CFTR: variants seen among roughly 807,000 people sequenced by gnomAD.
CFTR encodes CF transmembrane conductance regulator, also known as cystic fibrosis transmembrane conductance regulator.
CFTR carries 181 observed loss-of-function variants against 171.6 expected under a neutral mutation model. The ratio of observed to expected loss-of-function variants is 1.05; its 90% CI spans 0.93 to 1.19. CFTR has a LOEUF of 1.19. Ranked by LOEUF, CFTR falls within the 50% of genes most tolerant of loss-of-function variation. The pLI, the probability that CFTR is intolerant of heterozygous loss-of-function variation, is 0.00. For missense variants in CFTR, 1,968 were observed against 1,734.7 expected (o/e 1.13, Z -2.39); for synonymous variants, 583 against 608.0 (o/e 0.96, Z 0.60).
chr7:117,487,309 T>C (rs1006754492), intron 1 of CFTR, among the ~76,000 whole-genome samples: 3 of 151,952 alleles, frequency 2.0e-5, no homozygotes, highest in African/African-American at 7.3e-5. Context: ...GACCTGAGAG[T>C]GTTAGGAAGA....
chr7:117,530,801 A>T, intron 3 of CFTR, 98 bp from the exon 4 acceptor site: 1 of 801,044 alleles, frequency 1.2e-6, no homozygotes, highest in Non-Finnish European at 2.1e-6. Flanking sequence ...AACTCATTTT[A>T]AGTCTCCTCT....
chr7:117,538,603 G>A (rs1798996104), intron 7 of CFTR, among the ~76,000 whole-genome samples: 1 of 152,080 alleles, frequency 6.6e-6, no homozygotes, highest in Non-Finnish European at 1.5e-5. Context: ...TTCTTGTTGA[G>A]GAGAAAGGAC....
intron 1 of CFTR, among the ~76,000 whole-genome samples, chr7:117,481,133 T>C (rs971348011): frequency 8.5e-5 from 13 of 152,328 alleles, no homozygotes; most frequent in Middle Eastern, 3.4e-3. Context: ...CACATCTCTC[T>C]TATGTTTAGT....
chr7:117,500,015 A>G (rs1798296058), intron 1 of CFTR, among the ~76,000 whole-genome samples: 1 of 152,158 alleles, frequency 6.6e-6, no homozygotes. Flanking sequence ...TGGTTATTCC[A>G]GGTGTGTCTG....
At chr7:117,483,867 C>A (rs1004188556) in intron 1 of CFTR, among the ~76,000 whole-genome samples, 8 of 152,246 alleles carry the variant, frequency 5.3e-5, no homozygotes, top group African/African-American at 1.9e-4. Flanking sequence ...AGCCACCTCA[C>A]CCTGTCAGCC....
chr7:117,663,582 T>C (rs1793323208), intron 24 of CFTR, among the ~76,000 whole-genome samples: 1 of 151,914 alleles, frequency 6.6e-6, no homozygotes, highest in South Asian at 2.1e-4. Context: ...CAAAGAGGCT[T>C]AAAATCTCCT....
intron 24 of CFTR, among the ~76,000 whole-genome samples, chr7:117,661,837 T>A (rs1793291736): frequency 6.6e-6 from 1 of 152,168 alleles, no homozygotes; most frequent in Non-Finnish European, 1.5e-5. Flanking sequence ...TTTCTCCATT[T>A]TTTTACATAT....
At chr7:117,536,194 A>G (rs4148699) in intron 6 of CFTR, among the ~76,000 whole-genome samples, 35,761 of 152,068 alleles carry the variant, frequency 0.24, 4,497 homozygotes, top group East Asian at 0.42. Flanking sequence ...TTGGAGTCAA[A>G]TAGCACTTTG....
At position 117,567,809 on chromosome 7, in the gene CFTR, T is replaced by A. The variant is rs73715575; in HGVS notation, c.1584+8154T>A. Among the ~76,000 whole-genome samples, 461 of 152,288 alleles carry A rather than the reference T, an allele frequency of 3.0e-3. 3 individuals are homozygous for A. Among genetic ancestry groups the A allele is most frequent in the African/African-American group, 0.01 (432 of 41,554 alleles). On this transcript the variant is annotated intron_variant, in intron 11 of 26. Coordinates refer to ENST00000003084, the MANE Select transcript of CFTR (RefSeq NM_000492.4). ...ATCCCTGTCCTCAAGGAGCTTTCATTCTAGTAGAGAAGATGAAAACCAGTA... is the reference window on the plus strand; with the variant it reads ...ATCCCTGTCCTCAAGGAGCTTTCATACTAGTAGAGAAGATGAAAACCAGTA...
At position 117,650,187 on chromosome 7, in the gene CFTR, G is replaced by T. The variant is rs146470147; in HGVS notation, c.3874-2655G>T. On this transcript the variant is annotated intron_variant, in intron 23 of 26. Transcript: ENST00000003084. ...GTTCTAATTTCTGTTGTAGTGAATT[G>T]CTTTGATTGCTGAATGCGAATGGAT... Among the ~76,000 whole-genome samples the T allele has an allele frequency of 1.6e-3, 244 of 152,272 alleles. 1 individual carries two copies. The highest frequency in any genetic ancestry group is 5.5e-3 in the African/African-American group (229 of 41,556).
chr7:117,500,509 C>T (rs892149462), intron 1 of CFTR, among the ~76,000 whole-genome samples: 1 of 151,734 alleles, frequency 6.6e-6, no homozygotes, highest in Non-Finnish European at 1.5e-5. Context: ...AGGCTGGTCT[C>T]GAACTCCTTA....
rs937680270 is a variant in CFTR, at chr7:117,501,367, G to C, written c.54-2886G>C. Among the ~76,000 whole-genome samples the C allele has an allele frequency of 2.0e-5, 3 of 151,898 alleles. No individual in the cohort carries two copies. The East Asian group carries it at 5.8e-4, about 29-fold the overall frequency. On this transcript the variant is annotated intron_variant, in intron 1 of 26. Coordinates refer to ENST00000003084, the MANE Select transcript of CFTR (RefSeq NM_000492.4). ...TTTTAAATTTTCAGAAAATTTGTGAGCTAATTGTTAAACATGGCCATTATT... is the reference window on the plus strand; with the variant it reads ...TTTTAAATTTTCAGAAAATTTGTGACCTAATTGTTAAACATGGCCATTATT...
At chr7:117,529,927 G>T (rs1458199887) in intron 3 of CFTR, among the ~76,000 whole-genome samples, 1 of 151,950 alleles carries the variant, frequency 6.6e-6, no homozygotes, top group South Asian at 2.1e-4. Context: ...TTACTAAATC[G>T]TTATAAAACA....
At chr7:117,555,444 A>T (rs1427361712) in intron 10 of CFTR, among the ~76,000 whole-genome samples, 2 of 152,230 alleles carry the variant, frequency 1.3e-5, no homozygotes, top group Non-Finnish European at 2.9e-5. Context: ...ATAGCCATTT[A>T]AAACACCACG....
At position 117,524,318 on chromosome 7, in the gene CFTR, T is replaced by C. The variant is rs542460955; in HGVS notation, c.274-6581T>C. ...TCACATGTGATACTTCTAACATAGATAGCACATGTAAATCCAGTGGCCTTG... is the reference window on the plus strand; with the variant it reads ...TCACATGTGATACTTCTAACATAGACAGCACATGTAAATCCAGTGGCCTTG... On this transcript the variant is annotated intron_variant, in intron 3 of 26. Coordinates refer to ENST00000003084, the MANE Select transcript of CFTR (RefSeq NM_000492.4). Among the ~76,000 whole-genome samples, 6 of 150,394 alleles carry C rather than the reference T, an allele frequency of 4.0e-5. No individual in the cohort carries two copies. The South Asian group carries it at 1.3e-3, about 31-fold the overall frequency.
chr7:117,564,240 G>C (rs779874130), intron 11 of CFTR, among the ~76,000 whole-genome samples: 2 of 152,194 alleles, frequency 1.3e-5, no homozygotes, highest in Non-Finnish European at 2.9e-5. Flanking sequence ...CAGACATTGA[G>C]CAGATGATTA....
chr7:117,554,055 T>A (rs1465505447), intron 10 of CFTR, among the ~76,000 whole-genome samples: 1 of 152,104 alleles, frequency 6.6e-6, no homozygotes, highest in African/African-American at 2.4e-5. Flanking sequence ...AACCATAAAG[T>A]GCTCGTAAAG....
intron 20 of CFTR, among the ~76,000 whole-genome samples, chr7:117,613,903 T>G (rs1435667523): frequency 6.6e-6 from 1 of 151,334 alleles, no homozygotes; most frequent in Admixed American, 6.6e-5. Context: ...GCCATAATAC[T>G]GAACACATGA....
intron 3 of CFTR, among the ~76,000 whole-genome samples, chr7:117,520,941 A>C (rs1249527896): frequency 6.6e-6 from 1 of 151,992 alleles, no homozygotes; most frequent in Non-Finnish European, 1.5e-5. Context: ...CTTATAAAAT[A>C]ACTTGGAGGG....
Sources: allele counts gnomAD v4.1 joint callset (sites outside exome capture counted in the v4.1 genomes callset), GRCh38; gene constraint gnomAD v4.1.1; transcripts MANE v1.5; gene names NCBI Gene and HGNC (gene_info 2026-07-23, HGNC 2026-07-21).